The following PLCE1 variants were observed in gnomAD, a reference collection of about 807,000 sequenced individuals.
The protein encoded by PLCE1 is 1-phosphatidylinositol 4,5-bisphosphate phosphodiesterase epsilon-1.
In PLCE1, 119 loss-of-function variants were observed where a neutral mutation model predicts 242.8. That is an observed-to-expected ratio of 0.49 (90% CI 0.42 to 0.57). PLCE1 has a LOEUF of 0.57. PLCE1 is among the 20% of genes least tolerant of loss of function. PLCE1 has a pLI of 0.00. For synonymous variants in PLCE1, 945 were observed against 1,017.4 expected (o/e 0.93, Z 1.35); for missense variants, 2,441 against 2,788.8 (o/e 0.88, Z 2.81).
chr10:94,054,363 G>C (rs1386580544), intron 2 of PLCE1, among the ~76,000 whole-genome samples: 3 of 152,182 alleles, frequency 2.0e-5, no homozygotes, highest in African/African-American at 7.2e-5. Flanking sequence ...CTGGAATATG[G>C]AAAGAAGTGA....
chr10:94,135,842 T>G (rs1024304863), intron 3 of PLCE1, among the ~76,000 whole-genome samples: 1 of 152,208 alleles, frequency 6.6e-6, no homozygotes, highest in Admixed American at 6.5e-5. Flanking sequence ...GTTTTAGCCA[T>G]TTCTGAGATT....
chr10:93,996,252 G>A (rs1444836448), intron 1 of PLCE1, among the ~76,000 whole-genome samples: 3 of 152,240 alleles, frequency 2.0e-5, no homozygotes. Context: ...CAATAAAACA[G>A]AGCTTCTGGG....
At chr10:94,267,363 ACT>A (rs2051555853) in intron 16 of PLCE1, among the ~76,000 whole-genome samples, 1 of 152,022 alleles carries the variant, frequency 6.6e-6, no homozygotes, top group Non-Finnish European at 1.5e-5. Flanking sequence ...CCAAGGAGAG[ACT>A]CTCACAGCTT....
intron 2 of PLCE1, among the ~76,000 whole-genome samples, chr10:94,129,807 C>G (rs2046541248): frequency 6.6e-6 from 1 of 152,148 alleles, no homozygotes; most frequent in Non-Finnish European, 1.5e-5. Context: ...CAAGGGGTGC[C>G]CTCCTCTGAT....
intron 4 of PLCE1, among the ~76,000 whole-genome samples, chr10:94,208,917 G>T (rs1256712838): frequency 6.6e-6 from 1 of 152,314 alleles, no homozygotes. Flanking sequence ...CCTGCTCCAG[G>T]CACCAAGACA....
chr10:94,315,398 G>A (rs1350205683), intron 28 of PLCE1: 1 of 456,042 alleles, frequency 2.2e-6, no homozygotes, highest in Non-Finnish European at 4.4e-6. Flanking sequence ...TCACGGGAAG[G>A]CAACAAAGGG....
At position 94,048,690 on chromosome 10, in the gene PLCE1, A is replaced by T. The variant is rs1174031898; in HGVS notation, c.1206+16438A>T. ...TACATATATATTTAATATATTTATA[A>T]ATAATATAAATATATATTAAATATA... On this transcript the variant is annotated intron_variant, in intron 2 of 32. Transcript: ENST00000371380. Among the ~76,000 whole-genome samples the T allele has an allele frequency of 3.4e-5, 5 of 145,870 alleles. No homozygotes were observed. The Admixed American group carries it at 3.5e-4, about 10-fold the overall frequency.
intron 5 of PLCE1, among the ~76,000 whole-genome samples, chr10:94,228,074 T>C (rs530227716): frequency 3.0e-4 from 45 of 152,374 alleles, no homozygotes; most frequent in Non-Finnish European, 5.9e-4. Flanking sequence ...TCACCTGGCA[T>C]TGCTGGGAAT....
At chr10:94,220,929 G>A (rs1185287241) in intron 4 of PLCE1, among the ~76,000 whole-genome samples, 2 of 152,180 alleles carry the variant, frequency 1.3e-5, no homozygotes, top group East Asian at 1.9e-4. Flanking sequence ...CCACTACACC[G>A]TGCTGCCTCC....
At chr10:94,050,777 T>G (rs2043743315) in intron 2 of PLCE1, among the ~76,000 whole-genome samples, 1 of 152,108 alleles carries the variant, frequency 6.6e-6, no homozygotes, top group Non-Finnish European at 1.5e-5. Flanking sequence ...ATGTAAACAC[T>G]GAGTTTACTT....
At chr10:94,322,975 A>G (rs765277538) in intron 30 of PLCE1, among the ~76,000 whole-genome samples, 84 of 152,310 alleles carry the variant, frequency 5.5e-4, no homozygotes, top group Middle Eastern at 3.4e-3. Flanking sequence ...ACAAATTTTA[A>G]AAGTTTAAAA....
intron 2 of PLCE1, among the ~76,000 whole-genome samples, chr10:94,034,783 T>A (rs188857278): frequency 1.3e-5 from 2 of 152,294 alleles, no homozygotes; most frequent in Admixed American, 1.3e-4. Flanking sequence ...GTTCCCTTGG[T>A]GATTCTATAG....
chr10:94,072,059 G>A, intron 2 of PLCE1, among the ~76,000 whole-genome samples: 1 of 152,054 alleles, frequency 6.6e-6, no homozygotes, highest in East Asian at 1.9e-4. Context: ...CTTACCTTAG[G>A]CAAATGGCTA....
intron 4 of PLCE1, 46 bp from the exon 5 acceptor site, chr10:94,227,260 A>G: frequency 1.2e-6 from 2 of 1,600,856 alleles, no homozygotes. Flanking sequence ...AAAATTGCCA[A>G]GCTTCTAGGA....
At chr10:94,254,727 C>A (rs533542172) in intron 10 of PLCE1, among the ~76,000 whole-genome samples, 166 bp from the exon 11 acceptor site, 5 of 152,230 alleles carry the variant, frequency 3.3e-5, no homozygotes, top group African/African-American at 9.6e-5. Context: ...CAGTTGAGAC[C>A]CCACCAGATT....
intron 9 of PLCE1, among the ~76,000 whole-genome samples, chr10:94,253,145 G>T (rs1402311878): frequency 3.3e-5 from 5 of 152,138 alleles, no homozygotes; most frequent in Non-Finnish European, 7.3e-5. Context: ...GTTTGTTTGT[G>T]TTGCTATAAA....
chr10:94,035,329 A>G (rs1225667879), intron 2 of PLCE1, among the ~76,000 whole-genome samples: 2 of 152,022 alleles, frequency 1.3e-5, no homozygotes, highest in African/African-American at 4.8e-5. Flanking sequence ...GTATGCCTAT[A>G]CCCTCCTCCA....
chr10:94,090,899 T>C (rs1234698666), intron 2 of PLCE1, among the ~76,000 whole-genome samples: 1 of 152,190 alleles, frequency 6.6e-6, no homozygotes. Flanking sequence ...GGTGTGAGAA[T>C]AGCTGTAATC....
rs2054100684 is a variant in PLCE1 at position 94,328,118 on chromosome 10, C to G, written c.*175C>G. 8 of 360,924 alleles carry G rather than the reference C, an allele frequency of 2.2e-5. No individual in the cohort carries two copies. Among genetic ancestry groups the G allele is most frequent in the South Asian group, 1.6e-4 (7 of 42,762 alleles). 22.4% of individuals were successfully genotyped at this position (360,924 alleles called of 1,614,324 possible). A position where few individuals can be genotyped will look rare whatever the true frequency, so the allele number is the denominator to read the frequency against. On this transcript the variant is annotated 3_prime_UTR_variant, in exon 33 of 33. Coordinates refer to ENST00000371380, the MANE Select transcript of PLCE1 (RefSeq NM_016341.4). ...TGAGGAGAAGCAAAATGGCACAGGG[C>G]TAGTTGCCACCAACCAATTTACTGA...
Sources: allele counts gnomAD v4.1 joint callset (sites outside exome capture counted in the v4.1 genomes callset), GRCh38; gene constraint gnomAD v4.1.1; transcripts MANE v1.5; gene names NCBI Gene and HGNC (gene_info 2026-07-23, HGNC 2026-07-21).